Variants in SSBP2 observed in about 807,000 individuals in gnomAD.
SSBP2 encodes single stranded DNA binding protein 2.
Under a neutral mutation model 61.8 loss-of-function variants are expected in SSBP2, and 17 were observed. The observed-to-expected ratio is 0.28, with a 90% confidence interval of 0.19 to 0.41. The LOEUF is 0.41. SSBP2 is among the 10% of genes least tolerant of loss of function. The probability of loss-of-function intolerance (pLI) is 1.00; values close to 1 mark genes in which losing one functional copy is unlikely to be tolerated. For synonymous variants in SSBP2, 139 were observed against 141.3 expected (o/e 0.98, Z 0.12); for missense variants, 310 against 458.7 (o/e 0.68, Z 2.96).
At chr5:81,643,685 C>G (rs542318087) in intron 2 of SSBP2, among the ~76,000 whole-genome samples, 50 of 144,680 alleles carry the variant, frequency 3.5e-4, no homozygotes, top group Admixed American at 1.7e-3. Context: ...TCACTGCAAC[C>G]TCCACTGCCC....
Position 81,489,320 on chromosome 5 carries a change from AAAACAAATAAAC to A in SSBP2, c.373-23_373-12del. 6.3e-7 allele frequency: 1 copy of A among 1,596,920 alleles called. No homozygotes were observed. The highest frequency in any genetic ancestry group is 8.5e-7 in the Non-Finnish European group (1 of 1,175,258). Reference sequence around the variant, plus strand: ...AGGTGACATAAAAGGCTATTGAAGTAAAACAAATAAACAAACAAAACAAAAAACAGTACAATG... The same window carrying A: ...AGGTGACATAAAAGGCTATTGAAGTAAAACAAAACAAAAAACAGTACAATG... On this transcript the variant is annotated splice_polypyrimidine_tract_variant and intron_variant, in intron 5 of 16. Transcript: ENST00000320672.
chr5:81,449,041 TAGAC>T (rs1185344729), intron 10 of SSBP2, among the ~76,000 whole-genome samples: 1 of 152,218 alleles, frequency 6.6e-6, no homozygotes, highest in Non-Finnish European at 1.5e-5. Context: ...AAGAGGATTT[TAGAC>T]AGAATAACTG....
chr5:81,717,921 T>C (rs1451591443), intron 1 of SSBP2, among the ~76,000 whole-genome samples: 1 of 152,144 alleles, frequency 6.6e-6, no homozygotes, highest in Non-Finnish European at 1.5e-5. Flanking sequence ...GGATACATGG[T>C]TGTGGTCTCT....
intron 5 of SSBP2, among the ~76,000 whole-genome samples, 161 bp downstream of exon 5, chr5:81,513,467 G>C (rs1235465877): frequency 6.6e-6 from 1 of 152,088 alleles, no homozygotes; most frequent in Non-Finnish European, 1.5e-5. Flanking sequence ...AACATAAGAA[G>C]AAAGGGATAT....
At chr5:81,721,255 C>T (rs1755524549) in intron 1 of SSBP2, among the ~76,000 whole-genome samples, 2 of 152,074 alleles carry the variant, frequency 1.3e-5, no homozygotes, top group Admixed American at 6.6e-5. Context: ...TCTAGTTAAT[C>T]CTTCTAGATC....
At chr5:81,612,912 TTTCAA>T (rs573345929) in intron 4 of SSBP2, among the ~76,000 whole-genome samples, 287 of 152,196 alleles carry the variant, frequency 1.9e-3, no homozygotes, top group African/African-American at 6.7e-3. Context: ...TCCCCAAGTC[TTTCAA>T]ACTATTATAT....
intron 1 of SSBP2, among the ~76,000 whole-genome samples, chr5:81,717,926 G>T (rs1239361350): frequency 1.9e-4 from 29 of 152,118 alleles, no homozygotes; most frequent in Admixed American, 1.9e-3. Context: ...CATGGTTGTG[G>T]TCTCTCCACG....
rs988426262 is a variant in SSBP2 at position 81,669,719 on chromosome 5, A to G, written c.63-19380T>C. ...AGGTCAATATGTGCAGCAAACCACC[A>G]TGCCACATGCATACCTATGTAACAA... On this transcript the variant is annotated intron_variant, in intron 1 of 16. Transcript: ENST00000320672. Among the ~76,000 whole-genome samples the G allele has an allele frequency of 2.6e-5, 4 of 152,080 alleles. No individual in the cohort carries two copies. The East Asian group carries it at 7.7e-4, about 29-fold the overall frequency.
At chr5:81,604,830 T>C (rs1744721958) in intron 4 of SSBP2, among the ~76,000 whole-genome samples, 2 of 152,184 alleles carry the variant, frequency 1.3e-5, no homozygotes, top group Admixed American at 1.3e-4. Flanking sequence ...CAAAACAAAA[T>C]CTTAATTTCT....
intron 5 of SSBP2, among the ~76,000 whole-genome samples, chr5:81,501,491 G>A (rs1169203821): frequency 3.4e-5 from 5 of 148,944 alleles, no homozygotes; most frequent in African/African-American, 9.8e-5. Flanking sequence ...TTTTTGATAA[G>A]CATCTTACTG....
intron 5 of SSBP2, among the ~76,000 whole-genome samples, chr5:81,490,294 A>G (rs1766758422): frequency 6.6e-6 from 1 of 152,056 alleles, no homozygotes; most frequent in Non-Finnish European, 1.5e-5. Context: ...ATTTTTGATC[A>G]TCCAGACTTA....
chr5:81,670,084 T>C (rs1751478842), intron 1 of SSBP2, among the ~76,000 whole-genome samples: 1 of 152,152 alleles, frequency 6.6e-6, no homozygotes, highest in African/African-American at 2.4e-5. Flanking sequence ...ACTACAATGG[T>C]AAATACATGC....
At chr5:81,652,046 T>G (rs1457450927) in intron 1 of SSBP2, among the ~76,000 whole-genome samples, 1 of 152,020 alleles carries the variant, frequency 6.6e-6, no homozygotes, top group Non-Finnish European at 1.5e-5. Flanking sequence ...GTGGTTAGCA[T>G]AGGAAAGAAA....
intron 2 of SSBP2, among the ~76,000 whole-genome samples, chr5:81,643,748 G>GC (rs1749015981): frequency 6.6e-6 from 1 of 151,552 alleles, no homozygotes; most frequent in African/African-American, 2.4e-5. Flanking sequence ...GATTACAGGA[G>GC]CCCACCACCA....
chr5:81,721,729 T>C (rs941799519), intron 1 of SSBP2, among the ~76,000 whole-genome samples: 1 of 152,116 alleles, frequency 6.6e-6, no homozygotes, highest in African/African-American at 2.4e-5. Context: ...AACAGAACTC[T>C]CTAACAGATT....
chr5:81,726,131 G>T (rs1401926008), intron 1 of SSBP2, among the ~76,000 whole-genome samples: 1 of 152,108 alleles, frequency 6.6e-6, no homozygotes, highest in East Asian at 1.9e-4. Context: ...GGATAAATGA[G>T]AACTATTTTA....
intron 1 of SSBP2, among the ~76,000 whole-genome samples, chr5:81,707,799 A>AACCATACCTCT (rs1754498505): frequency 6.6e-6 from 1 of 152,168 alleles, no homozygotes; most frequent in South Asian, 2.1e-4. Flanking sequence ...CAGTTTCCTT[A>AACCATACCTCT]ACCATACCTC....
intron 5 of SSBP2, among the ~76,000 whole-genome samples, chr5:81,494,264 A>G (rs557031185): frequency 2.0e-5 from 3 of 152,346 alleles, no homozygotes; most frequent in East Asian, 1.9e-4. Context: ...GGAAAAACTC[A>G]TAAGGTAAGC....
intron 15 of SSBP2, among the ~76,000 whole-genome samples, chr5:81,430,427 A>C (rs1167127343): frequency 6.6e-6 from 1 of 152,204 alleles, no homozygotes; most frequent in Non-Finnish European, 1.5e-5. Context: ...TGTAACATTC[A>C]TACCCCCTGT....
Sources: gnomAD v4.1 joint callset for allele counts (sites outside exome capture counted in the v4.1 genomes callset) on GRCh38, gnomAD v4.1.1 for gene constraint, MANE v1.5 for transcripts, NCBI Gene and HGNC (gene_info 2026-07-23, HGNC 2026-07-21) for gene names.